The following TENT2 variants were observed in gnomAD, a reference collection of about 807,000 sequenced individuals.
TENT2 encodes terminal nucleotidyltransferase 2.
TENT2 carries 44 observed loss-of-function variants against 72.2 expected under a neutral mutation model. That is an observed-to-expected ratio of 0.61 (90% CI 0.48 to 0.78). The LOEUF (loss-of-function observed/expected upper bound fraction) is 0.78. Among genes scored for constraint, TENT2 ranks in the 30% least tolerant of loss-of-function variants. The pLI is 0.00. For synonymous variants in TENT2, 212 were observed against 192.5 expected, an observed-to-expected ratio of 1.10 and a Z score of -0.84; for missense variants, 541 against 569.6, an observed-to-expected ratio of 0.95 and a Z score of 0.51.
At chr5:79,681,961 C>A in intron 13 of TENT2, 21 bp from the exon 14 acceptor site, 1 of 1,590,550 alleles carries the variant, frequency 6.3e-7, no homozygotes, top group Non-Finnish European at 8.6e-7. Context: ...TTTTCCTTTA[C>A]ATTTGCATTT....
chr5:79,671,556 C>T (rs1812961491), intron 12 of TENT2, among the ~76,000 whole-genome samples: 1 of 151,960 alleles, frequency 6.6e-6, no homozygotes, highest in Non-Finnish European at 1.5e-5. Context: ...AGGTGCGTGC[C>T]ACCATGCCTG....
At chr5:79,631,526 G>A (rs758364394) in intron 4 of TENT2, among the ~76,000 whole-genome samples, 2 of 152,160 alleles carry the variant, frequency 1.3e-5, no homozygotes, top group Non-Finnish European at 2.9e-5. Flanking sequence ...GCATACAGAT[G>A]GTAATTGAAG....
intron 12 of TENT2, 124 bp from the exon 13 acceptor site, chr5:79,679,455 G>A (rs1339748857): frequency 6.3e-6 from 3 of 475,706 alleles, no homozygotes; most frequent in Non-Finnish European, 1.1e-5. Context: ...TGGTGCTGAG[G>A]GTTGGGGCAC....
At chr5:79,636,058 T>C (rs1164624334) in intron 4 of TENT2, among the ~76,000 whole-genome samples, 1 of 147,684 alleles carries the variant, frequency 6.8e-6, no homozygotes, top group Non-Finnish European at 1.5e-5. Context: ...TAGAAATTAT[T>C]TAGCTTGCTG....
In TENT2 at chr5:79,623,473, C is replaced by G; in HGVS notation, c.449C>G (p.Pro150Arg). 9 of 1,604,370 alleles carry G rather than the reference C, an allele frequency of 5.6e-6. No individual in the cohort carries two copies. The highest frequency in any genetic ancestry group is 7.7e-6 in the Non-Finnish European group (9 of 1,173,676). ...TTAGAACCTAGAGAAATCACACTGCCTGAGGCCAAAGATAAGGTAATAATA... is the reference window on the plus strand; with the variant it reads ...TTAGAACCTAGAGAAATCACACTGCGTGAGGCCAAAGATAAGGTAATAATA... ...AFLEPREITLPEAKDKLSQQI... is the reference protein window; with the variant it reads ...AFLEPREITLREAKDKLSQQI... Residue 150 changes from proline to arginine, a missense_variant, in exon 4 of 15, where the codon CCT becomes CGT. Coordinates refer to ENST00000453514, the MANE Select transcript of TENT2 (RefSeq NM_001114394.3).
intron 7 of TENT2, chr5:79,644,594 A>G (rs1265627802): frequency 6.6e-6 from 1 of 152,090 alleles, no homozygotes; most frequent in Non-Finnish European, 1.5e-5. Context: ...ATCAACTCAT[A>G]CTCCTTTGTA....
intron 12 of TENT2, among the ~76,000 whole-genome samples, chr5:79,672,894 T>C (rs1814097112): frequency 6.6e-6 from 1 of 152,204 alleles, no homozygotes; most frequent in Non-Finnish European, 1.5e-5. Context: ...CTGTTCTTCA[T>C]AATGGTTGTA....
intron 7 of TENT2, 62 bp downstream of exon 7, chr5:79,642,972 T>C (rs1375871009): frequency 5.1e-6 from 8 of 1,581,256 alleles, no homozygotes; most frequent in Admixed American, 1.8e-5. Context: ...AAATGCCTCT[T>C]ACATTATCTT....
chr5:79,632,075 A>G (rs1437123187), intron 4 of TENT2, among the ~76,000 whole-genome samples: 1 of 152,186 alleles, frequency 6.6e-6, no homozygotes, highest in Non-Finnish European at 1.5e-5. Context: ...TTGAAATACC[A>G]TTTACTGAAT....
chr5:79,652,131 C>T (rs569922188), intron 10 of TENT2, among the ~76,000 whole-genome samples: 36 of 151,968 alleles, frequency 2.4e-4, no homozygotes, highest in South Asian at 2.1e-3. Flanking sequence ...TTTATCCTAA[C>T]GTAATAATGA....
chr5:79,687,931 C>T lies in TENT2; in HGVS notation c.*2658C>T, dbSNP rs572466755. Among the ~76,000 whole-genome samples, 169 of 152,224 alleles carry T rather than the reference C, an allele frequency of 1.1e-3. No individual in the cohort carries two copies. Among genetic ancestry groups the T allele is most frequent in the Non-Finnish European group, 2.1e-3 (142 of 68,006 alleles). ...GATTGCCACAGCTGTGATTGAATTCCTTTTGTACTGGATGAGCATGGTCAT... is the reference window on the plus strand; with the variant it reads ...GATTGCCACAGCTGTGATTGAATTCTTTTTGTACTGGATGAGCATGGTCAT... On this transcript the variant is annotated 3_prime_UTR_variant, in exon 15 of 15. Transcript: ENST00000453514.
At chr5:79,652,190 C>T (rs764926420) in intron 10 of TENT2, among the ~76,000 whole-genome samples, 4 of 151,422 alleles carry the variant, frequency 2.6e-5, no homozygotes, top group East Asian at 1.9e-4. Flanking sequence ...TATGGTGTTA[C>T]GTAAATAATA....
At chr5:79,674,239 A>G (rs548976310) in intron 12 of TENT2, among the ~76,000 whole-genome samples, 2 of 152,248 alleles carry the variant, frequency 1.3e-5, no homozygotes, top group South Asian at 4.2e-4. Flanking sequence ...AAAATTAGCC[A>G]GGTGTGGTGG....
chr5:79,673,067 T>C (rs920667564), intron 12 of TENT2, among the ~76,000 whole-genome samples: 1 of 152,240 alleles, frequency 6.6e-6, no homozygotes, highest in African/African-American at 2.4e-5. Context: ...GCTTTGCATA[T>C]ACCTCGTTGC....
In TENT2 at chr5:79,684,735, A is replaced by G. The variant is rs184827398; in HGVS notation, c.1381-464A>G. Reference sequence around the variant, plus strand: ...TCAGTTGTATCTTTCAGTACCACCTATGTGCCCATTTCTTTATTAATGAAT... The same window carrying G: ...TCAGTTGTATCTTTCAGTACCACCTGTGTGCCCATTTCTTTATTAATGAAT... On this transcript the variant is annotated intron_variant, in intron 14 of 14. Coordinates refer to ENST00000453514, the MANE Select transcript of TENT2 (RefSeq NM_001114394.3). Among the ~76,000 whole-genome samples the G allele has an allele frequency of 9.2e-5, 14 of 152,364 alleles. No homozygotes were observed. The East Asian group carries it at 1.9e-3, about 21-fold the overall frequency.
At chr5:79,633,432 GTT>G (rs539713889) in intron 4 of TENT2, among the ~76,000 whole-genome samples, 3 of 80,358 alleles carry the variant, frequency 3.7e-5, no homozygotes, top group African/African-American at 1.5e-4. Flanking sequence ...CAGCTAAAAA[GTT>G]TTTTTTTTTT....
chr5:79,679,435 A>G (rs1270733862), intron 12 of TENT2, 144 bp from the exon 13 acceptor site: 2 of 419,850 alleles, frequency 4.8e-6, no homozygotes, highest in Non-Finnish European at 8.4e-6. Context: ...GAGGTGGGAA[A>G]TAGGGATTGT....
At chr5:79,671,491 G>A (rs958590996) in intron 12 of TENT2, among the ~76,000 whole-genome samples, 9 of 150,872 alleles carry the variant, frequency 6.0e-5, no homozygotes, top group African/African-American at 2.2e-4. Flanking sequence ...TGCAACCTCC[G>A]CCTCATGGGT....
Position 79,619,769 on chromosome 5 carries a change from A to T in TENT2, c.121A>T (p.Asn41Tyr). 1 of 1,613,096 alleles carries T rather than the reference A, an allele frequency of 6.2e-7. No homozygotes were observed. Among genetic ancestry groups the T allele is most frequent in the Non-Finnish European group, 8.5e-7 (1 of 1,179,516 alleles). The change falls in exon 2 of 15, where the codon AAC (asparagine) becomes TAC (tyrosine). Residue 41 changes from asparagine (N) to tyrosine (Y), a missense_variant. Transcript: ENST00000453514. ...CCAGCAGCTTATAGATGCACAATTC[A>T]ACTTTCAGAATGCAGAGTGAGTATG... ...SHQQLIDAQF[N>Y]FQNADLSRAV...
Sources: allele counts gnomAD v4.1 joint callset (sites outside exome capture counted in the v4.1 genomes callset), GRCh38; gene constraint gnomAD v4.1.1; transcripts MANE v1.5; gene names NCBI Gene and HGNC (gene_info 2026-07-23, HGNC 2026-07-21).